Variants in MDN1 observed in about 807,000 individuals in gnomAD.
MDN1 encodes midasin AAA ATPase 1.
A neutral mutation model predicts 669.2 loss-of-function variants in MDN1; 266 were observed. The ratio of observed to expected loss-of-function variants is 0.40; its 90% CI spans 0.36 to 0.44. The LOEUF (loss-of-function observed/expected upper bound fraction) is 0.44, where lower values mean the gene tolerates loss of function less well. MDN1 is among the 20% of genes least tolerant of loss of function. The pLI, the probability that MDN1 is intolerant of heterozygous loss-of-function variation, is 1.00. For missense variants in MDN1, 5,940 were observed against 6,754.0 expected, an observed-to-expected ratio of 0.88 and a Z score of 4.22; for synonymous variants, 2,385 against 2,457.1, an observed-to-expected ratio of 0.97 and a Z score of 0.87.
intron 33 of MDN1, among the ~76,000 whole-genome samples, chr6:89,736,451 C>G (rs1815977830): frequency 6.6e-6 from 1 of 152,200 alleles, no homozygotes; most frequent in Non-Finnish European, 1.5e-5. Flanking sequence ...AGGAATCCAG[C>G]CCCGACACAG....
At position 89,730,858 on chromosome 6, in the gene MDN1, T is replaced by G. The variant is rs552155845; in HGVS notation, c.5008A>C (p.Lys1670Gln). Residue 1670 changes from lysine (K) to glutamine (Q), a missense_variant, in exon 35 of 102, where the codon AAG becomes CAG. This residue lies in a region of MDN1 where 2,292 missense variants were observed against 2,638.3 expected (regional missense o/e 0.87). Transcript: ENST00000369393. ...ARKECLKFLIKRLAKIVRLTE... is the reference protein window; with the variant it reads ...ARKECLKFLIQRLAKIVRLTE... ...AGTCGTACTATCTTGGCAAGCCTCTTGATTAGAAATTTCAGACATTCTTTT... is the reference window on the plus strand; with the variant it reads ...AGTCGTACTATCTTGGCAAGCCTCTGGATTAGAAATTTCAGACATTCTTTT... 1 of 1,614,120 alleles carries G rather than the reference T, an allele frequency of 6.2e-7. No individual in the cohort carries two copies. The highest frequency in any genetic ancestry group is 1.7e-5 in the Admixed American group (1 of 60,008).
rs116519711 is a variant in MDN1 at position 89,646,090 on chromosome 6, C to G, written c.16459+450G>C. Among the ~76,000 whole-genome samples, 186 of 152,254 alleles carry G rather than the reference C, an allele frequency of 1.2e-3. 2 individuals are homozygous for G. The highest frequency in any genetic ancestry group is 4.4e-3 in the African/African-American group (181 of 41,542). ...AAGTCCAGAGATGGCCCTGGAGAAC[C>G]CGCATACATGAAAAGTTGGCCCTCC... On this transcript the variant is annotated intron_variant, in intron 100 of 101. Coordinates refer to ENST00000369393, the MANE Select transcript of MDN1 (RefSeq NM_014611.3).
chr6:89,675,615 C>T, intron 77 of MDN1, 36 bp from the exon 78 acceptor site: 1 of 1,562,686 alleles, frequency 6.4e-7, no homozygotes, highest in Non-Finnish European at 8.8e-7. Flanking sequence ...GAAGGGGCTG[C>T]TGACAAACAT....
Position 89,713,184 on chromosome 6 carries a change from T to A in MDN1, c.7182A>T (p.Val2394=). Residue 2394 remains valine, a synonymous_variant, in exon 47 of 102, where the codon GTA becomes GTT. Coordinates refer to ENST00000369393, the MANE Select transcript of MDN1 (RefSeq NM_014611.3). The stretch of plus-strand genomic sequence containing the variant: ...CTGGTGAATGCTGGGAACAGACATA[T>A]ACTTCCCAGCATGCTTCAGAAAAGG... ...DRAFSEACWE[V]YVCSQHSPAN... is the part of the protein sequence containing the mutation. 6.2e-7 allele frequency: 1 copy of A among 1,614,070 alleles called. No homozygotes were observed. Among genetic ancestry groups the A allele is most frequent in the Non-Finnish European group, 8.5e-7 (1 of 1,179,988 alleles).
At position 89,689,936 on chromosome 6, in the gene MDN1, G is replaced by A. The variant is rs749356087; in HGVS notation, c.10957C>T (p.Leu3653Phe). 2 of 1,614,104 alleles carry A rather than the reference G, an allele frequency of 1.2e-6. No individual in the cohort carries two copies. ...TLPPHEAKHY[L>F]SLFLSCYQTG... ...TGATAGCAAGACAGAAACAGGCTGA[G>A]GTAATGCTTTGCTTCATGTGGCGGC... The change falls in exon 65 of 102, where the codon CTC (leucine) becomes TTC (phenylalanine). Residue 3653 changes from leucine (L) to phenylalanine (F), a missense_variant. By Grantham distance (22) the Leu-to-Phe change is conservative (BLOSUM62 0). Around this residue, in one of 5 missense-constraint regions of MDN1, gnomAD observed 2,280 missense variants for 2,576.3 expected, o/e 0.88. Coordinates refer to ENST00000369393, the MANE Select transcript of MDN1 (RefSeq NM_014611.3).
At position 89,713,301 on chromosome 6, in the gene MDN1, T is replaced by A; in HGVS notation, c.7070-5A>T. The A allele has an allele frequency of 6.3e-7, 1 of 1,595,166 alleles. No individual in the cohort carries two copies. On this transcript the variant is annotated splice_region_variant and splice_polypyrimidine_tract_variant and intron_variant, in intron 46 of 101. Transcript: ENST00000369393. ...ATACAGAAGATGTTGGAGAACCTAT[T>A]AAAAAAAAATTGCCATCTATAAACA...
intron 91 of MDN1, 69 bp from the exon 92 acceptor site, chr6:89,656,037 A>G (rs1809262388): frequency 7.2e-7 from 1 of 1,379,328 alleles, no homozygotes; most frequent in East Asian, 2.3e-5. Context: ...TAAACATAAT[A>G]TCCATCTATA....
rs115497826 is a variant in MDN1, at chr6:89,715,671, G to A, written c.6842C>T (p.Thr2281Ile). The change falls in exon 45 of 102, where the codon ACA becomes ATA. Residue 2281 changes from threonine (T) to isoleucine (I), a missense_variant. By Grantham distance (89) the Thr-to-Ile change is moderately conservative (BLOSUM62 -1). This residue lies in a region of MDN1 where 2,292 missense variants were observed against 2,638.3 expected (regional missense o/e 0.87). Transcript: ENST00000369393. ...CAAATACCTGAAATTGGGATTTGGT[G>A]TTATCGTGGGAGTGGATCCATCTAT... ...GMIDGSTPTI[T>I]PNPNFRLFLS... 5,205 of 1,607,324 alleles carry A rather than the reference G, an allele frequency of 3.2e-3. 214 individuals are homozygous for A. In the Admixed American group the frequency reaches 0.07, roughly 22 times the overall value.
At chr6:89,771,675 A>C in intron 14 of MDN1, 54 bp from the exon 15 acceptor site, 2 of 1,426,546 alleles carry the variant, frequency 1.4e-6, no homozygotes, top group Non-Finnish European at 2.0e-6. Context: ...GACCGATAAT[A>C]TCCAGTGTGC....
rs1017459374 is a variant in MDN1, at chr6:89,696,147, C to T, written c.9384-155G>A. 2.0e-5 allele frequency among the ~76,000 whole-genome samples: 3 copies of T among 152,152 alleles called. No individual in the cohort carries two copies. In the East Asian group the frequency reaches 5.8e-4, roughly 29 times the overall value. Reference sequence around the variant, plus strand: ...TTCTCACATGGTCTTATTTGGTTTACTAAGTTCACCCTCTTGATCACAATA... The same window carrying T: ...TTCTCACATGGTCTTATTTGGTTTATTAAGTTCACCCTCTTGATCACAATA... On this transcript the variant is annotated intron_variant, in intron 60 of 101. Transcript: ENST00000369393.
intron 11 of MDN1, 60 bp downstream of exon 11, chr6:89,780,149 TAAC>T: frequency 2.4e-6 from 2 of 849,888 alleles, no homozygotes; most frequent in Non-Finnish European, 1.8e-6. Context: ...AGACAGAAAA[TAAC>T]AACGGAAGTC....
At chr6:89,694,283 T>C in intron 61 of MDN1, 100 bp from the exon 62 acceptor site, 1 of 992,498 alleles carries the variant, frequency 1.0e-6, no homozygotes, top group Non-Finnish European at 1.6e-6. Context: ...ATGGAAGGAA[T>C]CTGGGTTCCT....
At chr6:89,740,925 G>A (rs1246660394) in intron 31 of MDN1, among the ~76,000 whole-genome samples, 4 of 152,156 alleles carry the variant, frequency 2.6e-5, no homozygotes, top group African/African-American at 9.7e-5. Flanking sequence ...ATTGAATGAT[G>A]GAAATGTTGT....
chr6:89,791,337 G>A (rs752268708), intron 5 of MDN1, among the ~76,000 whole-genome samples: 1 of 152,144 alleles, frequency 6.6e-6, no homozygotes, highest in Non-Finnish European at 1.5e-5. Context: ...TGGACACTGA[G>A]AGGATATCTT....
intron 31 of MDN1, among the ~76,000 whole-genome samples, chr6:89,742,321 A>G (rs1349589059): frequency 2.0e-5 from 3 of 151,982 alleles, no homozygotes; most frequent in Non-Finnish European, 1.5e-5. Context: ...CTGAGGCACA[A>G]CAATCAAACT....
chr6:89,814,639 G>A (rs528325863), intron 1 of MDN1: 1 of 193,180 alleles, frequency 5.2e-6, no homozygotes, highest in African/African-American at 2.4e-5. Context: ...TGGGGGTGTT[G>A]AGGTCTAGTG....
chr6:89,734,670 G>GAAA (rs778207435), intron 33 of MDN1, among the ~76,000 whole-genome samples: 15 of 28,598 alleles, frequency 5.2e-4, no homozygotes, highest in South Asian at 9.5e-4. Context: ...AAAGGAAGAA[G>GAAA]AAAAAAAAAA....
chr6:89,803,914 TTTTTG>T (rs1236508093), intron 1 of MDN1, among the ~76,000 whole-genome samples: 995 of 94,538 alleles, frequency 0.011, 18 homozygotes, highest in African/African-American at 0.038. Flanking sequence ...TTTTTTTTTT[TTTTTG>T]GAGACAGAGT....
chr6:89,759,081 A>G, intron 17 of MDN1, 121 bp from the exon 18 acceptor site: 16 of 938,256 alleles, frequency 1.7e-5, no homozygotes, highest in East Asian at 2.6e-5. Flanking sequence ...TGATGGGCCT[A>G]TACTTTAACT....
Sources: gnomAD v4.1 joint callset for allele counts (sites outside exome capture counted in the v4.1 genomes callset) on GRCh38, gnomAD v4.1.1 for gene constraint, gnomAD v4.1.1 regional missense constraint, MANE v1.5 for transcripts, NCBI Gene and HGNC (gene_info 2026-07-23, HGNC 2026-07-21) for gene names.